RANBP2: variants seen among roughly 807,000 people sequenced by gnomAD.
RANBP2 encodes RAN binding protein 2.
A neutral mutation model predicts 303.6 loss-of-function variants in RANBP2; 57 were observed. The observed-to-expected ratio is 0.19, with a 90% CI of 0.15 to 0.23. The LOEUF is 0.23. Among genes scored for constraint, RANBP2 ranks in the 10% least tolerant of loss-of-function variants. The pLI is 1.00. For synonymous variants in RANBP2, 1,167 were observed against 1,301.5 expected (o/e 0.90, Z 2.23); for missense variants, 3,138 against 3,780.8 (o/e 0.83, Z 4.46).
chr2:109,458,029 T>G, the RANBP2 span, among the ~76,000 whole-genome samples: 1 of 148,922 alleles, frequency 6.7e-6, no homozygotes, highest in Admixed American at 6.6e-5. Flanking sequence ...TTTTATTTTG[T>G]TTTTTCAGGC....
chr2:109,120,543 G>C, the RANBP2 span, among the ~76,000 whole-genome samples: 4 of 152,068 alleles, frequency 2.6e-5, no homozygotes, highest in Admixed American at 2.6e-4. Flanking sequence ...TCTTGGATGA[G>C]TGGGCACCTT....
the RANBP2 span, among the ~76,000 whole-genome samples, chr2:109,478,658 A>C: frequency 6.6e-6 from 1 of 152,118 alleles, no homozygotes; most frequent in African/African-American, 2.4e-5. Flanking sequence ...TTTCCATCCC[A>C]CACTTGTTTA....
the RANBP2 span, among the ~76,000 whole-genome samples, chr2:109,591,688 G>C: frequency 6.6e-6 from 1 of 152,152 alleles, no homozygotes; most frequent in African/African-American, 2.4e-5. Context: ...CTTGAGGCCA[G>C]GAGTTCAAGA....
the RANBP2 span, among the ~76,000 whole-genome samples, chr2:109,653,949 C>T: frequency 6.6e-6 from 1 of 152,092 alleles, no homozygotes; most frequent in Non-Finnish European, 1.5e-5. Flanking sequence ...TCTCCAGGAA[C>T]AGACCTGGGA....
the RANBP2 span, among the ~76,000 whole-genome samples, chr2:109,737,693 A>G: frequency 6.6e-6 from 1 of 152,102 alleles, no homozygotes; most frequent in Admixed American, 6.5e-5. Context: ...ATATCCACCA[A>G]CAGTGTAAAA....
the RANBP2 span, among the ~76,000 whole-genome samples, chr2:109,368,708 T>TAAAAAAA: frequency 7.3e-6 from 1 of 136,810 alleles, no homozygotes; most frequent in Non-Finnish European, 1.6e-5. Flanking sequence ...GTATTTTCTT[T>TAAAAAAA]AAAAAAAAAA....
At chr2:109,672,015 C>T in the RANBP2 span, among the ~76,000 whole-genome samples, 2 of 152,112 alleles carry the variant, frequency 1.3e-5, no homozygotes, top group Admixed American at 6.5e-5. Context: ...TCCTCCTCCT[C>T]CTCGTCTTTT....
the RANBP2 span, among the ~76,000 whole-genome samples, chr2:109,580,112 G>A: frequency 8.6e-5 from 13 of 151,692 alleles, no homozygotes; most frequent in African/African-American, 3.1e-4. Context: ...CAAGAGTGAA[G>A]TTCCATCTTA....
chr2:109,111,306 T>C, the RANBP2 span, among the ~76,000 whole-genome samples: 3 of 152,184 alleles, frequency 2.0e-5, no homozygotes, highest in Admixed American at 2.0e-4. Context: ...TTACTGATAG[T>C]TGAAATATAG....
the RANBP2 span, among the ~76,000 whole-genome samples, chr2:109,635,108 TA>T: frequency 0.22 from 32,079 of 146,610 alleles, 3,773 homozygotes; most frequent in Admixed American, 0.34. Flanking sequence ...ACTCCAGTGT[TA>T]AAAAAAAAAA....
chr2:109,367,212 C>T, the RANBP2 span, among the ~76,000 whole-genome samples: 1 of 150,414 alleles, frequency 6.6e-6, no homozygotes, highest in Non-Finnish European at 1.5e-5. Flanking sequence ...GATCTGCCTA[C>T]TTCGGCCTAC....
the RANBP2 span, chr2:109,398,845 A>G: frequency 3.7e-6 from 6 of 1,613,892 alleles, no homozygotes; most frequent in East Asian, 4.5e-5. Context: ...CAGGCATTCC[A>G]TGGAAATTAG....
At chr2:109,555,616 G>A in the RANBP2 span, among the ~76,000 whole-genome samples, 1 of 152,174 alleles carries the variant, frequency 6.6e-6, no homozygotes, top group Non-Finnish European at 1.5e-5. Context: ...AATGCTGAGG[G>A]CAGTCACGAC....
chr2:109,072,717 T>C, the RANBP2 span, among the ~76,000 whole-genome samples: 4 of 152,234 alleles, frequency 2.6e-5, no homozygotes, highest in Admixed American at 1.3e-4. Flanking sequence ...GCAGAGCAAG[T>C]AGGAGATAAA....
At chr2:109,265,630 C>T in the RANBP2 span, among the ~76,000 whole-genome samples, 1 of 152,232 alleles carries the variant, frequency 6.6e-6, no homozygotes, top group Admixed American at 6.5e-5. Flanking sequence ...ATGGGTCCTG[C>T]CAGGTGGCCA....
the RANBP2 span, among the ~76,000 whole-genome samples, chr2:109,072,503 G>A: frequency 3.9e-5 from 6 of 152,184 alleles, no homozygotes; most frequent in Non-Finnish European, 1.5e-5. Flanking sequence ...CTTAGAAAGA[G>A]TTGACTACCT....
the RANBP2 span, among the ~76,000 whole-genome samples, chr2:109,317,459 C>T: frequency 0.31 from 47,377 of 151,846 alleles, 9,160 homozygotes; most frequent in African/African-American, 0.55. Context: ...CCCAGCCCCC[C>T]ACCCTGCTCT....
the RANBP2 span, among the ~76,000 whole-genome samples, chr2:109,276,878 G>GA: frequency 0.01 from 1,573 of 150,600 alleles, 15 homozygotes; most frequent in Non-Finnish European, 0.015. Flanking sequence ...AATTCACATG[G>GA]AAAAAAAAAT....
At chr2:109,558,365 C>T in the RANBP2 span, among the ~76,000 whole-genome samples, 2 of 152,130 alleles carry the variant, frequency 1.3e-5, no homozygotes, top group East Asian at 1.9e-4. Flanking sequence ...AATACTTAAA[C>T]AACTCTAAAC....
Sources: allele counts gnomAD v4.1 joint callset (sites outside exome capture counted in the v4.1 genomes callset), GRCh38; gene constraint gnomAD v4.1.1; transcripts MANE v1.5; gene names NCBI Gene and HGNC (gene_info 2026-07-23, HGNC 2026-07-21).